CLEC16A: variants seen among roughly 807,000 people sequenced by gnomAD.
The protein encoded by CLEC16A is protein CLEC16A.
Under a neutral mutation model 109.5 loss-of-function variants are expected in CLEC16A, and 51 were observed. The observed-to-expected ratio is 0.47, with a 90% CI of 0.37 to 0.59. The LOEUF is 0.59. Ranked by LOEUF, CLEC16A falls within the 20% of genes least tolerant of loss-of-function variation. CLEC16A has a pLI of 0.00. For missense variants in CLEC16A, 1,339 were observed against 1,394.0 expected (o/e 0.96, Z 0.63); for synonymous variants, 673 against 564.2 (o/e 1.19, Z -2.73).
In CLEC16A at chr16:11,176,803, G is replaced by A. The variant is rs572072694; in HGVS notation, c.2807-1532G>A. Among the ~76,000 whole-genome samples the A allele has an allele frequency of 4.6e-5, 7 of 152,286 alleles. No homozygotes were observed. The South Asian group carries it at 1.4e-3, about 32-fold the overall frequency. On this transcript the variant is annotated intron_variant, in intron 23 of 23. Coordinates refer to ENST00000409790, the MANE Select transcript of CLEC16A (RefSeq NM_015226.3). Reference sequence around the variant, plus strand: ...GTTCATCTTGCCCAGAGTCTTGTGGGGAGAAATGCCGGTGTGTGCTTTGAA... The same window carrying A: ...GTTCATCTTGCCCAGAGTCTTGTGGAGAGAAATGCCGGTGTGTGCTTTGAA...
At chr16:11,097,727 A>C (rs1272649118) in intron 19 of CLEC16A, among the ~76,000 whole-genome samples, 1 of 152,216 alleles carries the variant, frequency 6.6e-6, no homozygotes, top group Non-Finnish European at 1.5e-5. Flanking sequence ...CTGTTTTATG[A>C]ATGGCCTGAA....
chr16:10,960,684 G>C (rs1009606616), intron 2 of CLEC16A, among the ~76,000 whole-genome samples: 1 of 152,092 alleles, frequency 6.6e-6, no homozygotes, highest in East Asian at 1.9e-4. Context: ...CTTCTAGAAG[G>C]GGGCAGTATC....
intron 22 of CLEC16A, among the ~76,000 whole-genome samples, chr16:11,147,609 G>A (rs1252371932): frequency 6.6e-6 from 1 of 152,108 alleles, no homozygotes; most frequent in Non-Finnish European, 1.5e-5. Flanking sequence ...TTGTGGAGGT[G>A]GTTGCACAAC....
rs544235129 is a variant in CLEC16A, at chr16:11,131,882, G to T, written c.2641+5736G>T. 2.1e-4 allele frequency among the ~76,000 whole-genome samples: 32 copies of T among 152,258 alleles called. No individual in the cohort carries two copies. In the South Asian group the frequency reaches 4.8e-3, roughly 23 times the overall value. Reference sequence around the variant, plus strand: ...GCCCTTCAGCCGCACTGGCTGGCTGGCTGTGCCTCACCAGGGCCAAGTGCG... The same window carrying T: ...GCCCTTCAGCCGCACTGGCTGGCTGTCTGTGCCTCACCAGGGCCAAGTGCG... On this transcript the variant is annotated intron_variant, in intron 22 of 23. Transcript: ENST00000409790.
At chr16:11,044,896 A>G (rs1346118542) in intron 16 of CLEC16A, among the ~76,000 whole-genome samples, 3 of 149,606 alleles carry the variant, frequency 2.0e-5, no homozygotes, top group Non-Finnish European at 4.4e-5. Context: ...ATTGCCCTCC[A>G]TCCTAGGCAA....
intron 18 of CLEC16A, among the ~76,000 whole-genome samples, chr16:11,055,253 A>G (rs2048149593): frequency 6.6e-6 from 1 of 152,190 alleles, no homozygotes; most frequent in South Asian, 2.1e-4. Context: ...AGAGCTCTGG[A>G]GGAAAGAAAC....
chr16:11,055,731 C>A (rs1284604479), intron 18 of CLEC16A, among the ~76,000 whole-genome samples: 3 of 151,350 alleles, frequency 2.0e-5, no homozygotes, highest in Non-Finnish European at 4.4e-5. Context: ...TGAGCCACCA[C>A]GTCCAGCTGA....
intron 13 of CLEC16A, among the ~76,000 whole-genome samples, chr16:11,036,670 C>G (rs1013321998): frequency 6.6e-6 from 1 of 151,660 alleles, no homozygotes; most frequent in African/African-American, 2.4e-5. Context: ...ATTTCTGAGC[C>G]TCTCAAGTAG....
At chr16:11,006,516 C>G (rs1031430350) in intron 11 of CLEC16A, among the ~76,000 whole-genome samples, 3 of 152,112 alleles carry the variant, frequency 2.0e-5, no homozygotes, top group African/African-American at 7.2e-5. Flanking sequence ...ACGGACTTAT[C>G]GACAGATGGA....
At chr16:11,092,920 A>T (rs2050395443) in intron 19 of CLEC16A, among the ~76,000 whole-genome samples, 1 of 152,214 alleles carries the variant, frequency 6.6e-6, no homozygotes. Context: ...CCTCATCATC[A>T]TGACTGTCCC....
At chr16:11,051,673 G>A (rs1237307947) in intron 18 of CLEC16A, 32 bp downstream of exon 18, 2 of 1,608,568 alleles carry the variant, frequency 1.2e-6, no homozygotes, top group Non-Finnish European at 8.5e-7. Flanking sequence ...CATCTCCTGG[G>A]CCACTGTTCT....
At chr16:10,976,802 T>A (rs1176197747) in intron 7 of CLEC16A, among the ~76,000 whole-genome samples, 1 of 152,180 alleles carries the variant, frequency 6.6e-6, no homozygotes, top group African/African-American at 2.4e-5. Flanking sequence ...TATGTCTGCA[T>A]GTCGTCAGGG....
intron 13 of CLEC16A, among the ~76,000 whole-genome samples, chr16:11,034,227 G>A (rs967165526): frequency 6.6e-6 from 1 of 152,174 alleles, no homozygotes; most frequent in African/African-American, 2.4e-5. Context: ...TTGGAAATCG[G>A]CCCAACATCT....
chr16:11,026,163 A>G (rs1405038306), intron 13 of CLEC16A, among the ~76,000 whole-genome samples: 3 of 151,862 alleles, frequency 2.0e-5, no homozygotes, highest in African/African-American at 7.3e-5. Context: ...TGGTTTTGCT[A>G]TCAGGGTTAT....
At chr16:11,167,657 C>A (rs2068327374) in intron 23 of CLEC16A, among the ~76,000 whole-genome samples, 1 of 152,208 alleles carries the variant, frequency 6.6e-6, no homozygotes, top group Admixed American at 6.5e-5. Flanking sequence ...CATCCACACA[C>A]AATGTTACCT....
chr16:11,173,947 CTGGGGGTTGCA>C (rs2141016137), intron 23 of CLEC16A, among the ~76,000 whole-genome samples: 1 of 152,262 alleles, frequency 6.6e-6, no homozygotes, highest in East Asian at 1.9e-4. Flanking sequence ...CTGCCTCATC[CTGGGGGTTGCA>C]TGGGGGGTGT....
At chr16:11,009,325 C>G (rs898294559) in intron 11 of CLEC16A, among the ~76,000 whole-genome samples, 1 of 152,172 alleles carries the variant, frequency 6.6e-6, no homozygotes, top group African/African-American at 2.4e-5. Flanking sequence ...GACTACATTT[C>G]TTTATCCACT....
At chr16:11,050,954 C>T (rs2047907135) in intron 17 of CLEC16A, among the ~76,000 whole-genome samples, 1 of 152,212 alleles carries the variant, frequency 6.6e-6, no homozygotes, top group African/African-American at 2.4e-5. Context: ...CTTGGCTCTG[C>T]CACCCACCAG....
At position 11,131,192 on chromosome 16, in the gene CLEC16A, TC is replaced by T. The variant is rs574549629; in HGVS notation, c.2641+5047del. Among the ~76,000 whole-genome samples the T allele has an allele frequency of 1.3e-3, 201 of 152,280 alleles. 1 individual carries two copies. The highest frequency in any genetic ancestry group is 4.4e-3 in the African/African-American group (183 of 41,542). The stretch of plus-strand genomic sequence containing the variant: ...TGGGCAGGCATGGCCAGGCCTAGAC[TC>T]TAGCCTGAGCACTCTGTGGCTTTGA... On this transcript the variant is annotated intron_variant, in intron 22 of 23. Transcript: ENST00000409790.
Sources: allele counts gnomAD v4.1 joint callset (sites outside exome capture counted in the v4.1 genomes callset), GRCh38; gene constraint gnomAD v4.1.1; transcripts MANE v1.5; gene names NCBI Gene and HGNC (gene_info 2026-07-23, HGNC 2026-07-21).